Variants in CLSTN2 observed in about 807,000 individuals in gnomAD.
CLSTN2 encodes calsyntenin-2.
Under a neutral mutation model 101.2 loss-of-function variants are expected in CLSTN2, and 48 were observed. That is an observed-to-expected ratio of 0.47 (90% CI 0.38 to 0.60). CLSTN2 has a LOEUF of 0.60. Among genes scored for constraint, CLSTN2 ranks in the 20% least tolerant of loss-of-function variants. CLSTN2 has a pLI of 0.00. For synonymous variants in CLSTN2, 481 were observed against 463.6 expected (o/e 1.04, Z -0.48); for missense variants, 1,160 against 1,238.2 (o/e 0.94, Z 0.95).
rs1458615524 is a variant in CLSTN2, at chr3:140,404,606, C to G, written c.477C>G (p.Thr159=). The G allele has an allele frequency of 3.7e-6, 6 of 1,614,202 alleles. No individual in the cohort carries two copies. Among genetic ancestry groups the G allele is most frequent in the Non-Finnish European group, 4.2e-6 (5 of 1,180,024 alleles). The stretch of plus-strand genomic sequence containing the variant: ...AGGATGTCAACGAGTTTGCTCCCAC[C>G]TTCAAAGAGCCAGCCTACAAGGCTG... ...QVKDVNEFAP[T]FKEPAYKAVV... Residue 159 remains threonine (T), a synonymous_variant, in exon 4 of 17, where the codon ACC becomes ACG. Transcript: ENST00000458420.
At chr3:140,295,015 G>A (rs1347664966) in intron 2 of CLSTN2, among the ~76,000 whole-genome samples, 3 of 152,138 alleles carry the variant, frequency 2.0e-5, no homozygotes, top group Non-Finnish European at 4.4e-5. Flanking sequence ...GTCACATTGG[G>A]GGTTAAGGTT....
At chr3:140,000,244 C>A (rs1347256939) in intron 1 of CLSTN2, among the ~76,000 whole-genome samples, 1 of 152,148 alleles carries the variant, frequency 6.6e-6, no homozygotes, top group East Asian at 1.9e-4. Flanking sequence ...GCAGGTATTA[C>A]CCATTCCTGG....
intron 2 of CLSTN2, among the ~76,000 whole-genome samples, chr3:140,361,088 G>A (rs1050105819): frequency 6.6e-6 from 1 of 152,138 alleles, no homozygotes; most frequent in African/African-American, 2.4e-5. Flanking sequence ...TCATGAACAT[G>A]AATTCAAATT....
At chr3:140,170,140 C>T (rs1338644787) in intron 1 of CLSTN2, among the ~76,000 whole-genome samples, 1 of 152,058 alleles carries the variant, frequency 6.6e-6, no homozygotes, top group African/African-American at 2.4e-5. Context: ...ATGATTCAGC[C>T]ATTTGATGGA....
chr3:139,966,410 A>G (rs1340508184), intron 1 of CLSTN2, among the ~76,000 whole-genome samples: 1 of 152,084 alleles, frequency 6.6e-6, no homozygotes, highest in Non-Finnish European at 1.5e-5. Context: ...TACTTCCCCT[A>G]TTATGCCTTG....
At chr3:140,209,602 C>G (rs1391897873) in intron 2 of CLSTN2, among the ~76,000 whole-genome samples, 5 of 151,948 alleles carry the variant, frequency 3.3e-5, no homozygotes, top group Non-Finnish European at 1.5e-5. Context: ...TAGTCAGGAG[C>G]TTTTTAAGGC....
chr3:140,107,078 A>G (rs2009071636), intron 1 of CLSTN2, among the ~76,000 whole-genome samples: 1 of 152,212 alleles, frequency 6.6e-6, no homozygotes, highest in African/African-American at 2.4e-5. Context: ...CCTTTGGTGA[A>G]TGCTGGTACA....
At chr3:140,481,133 A>G in intron 8 of CLSTN2, among the ~76,000 whole-genome samples, 1 of 152,198 alleles carries the variant, frequency 6.6e-6, no homozygotes, top group Non-Finnish European at 1.5e-5. Context: ...ATAAGGTGTA[A>G]GGAAGGGATC....
At chr3:140,133,645 G>A (rs143540617) in intron 1 of CLSTN2, among the ~76,000 whole-genome samples, 1,616 of 152,264 alleles carry the variant, frequency 0.011, 12 homozygotes, top group Non-Finnish European at 0.016. Context: ...GGCTGCCCTC[G>A]TTGCCAGATT....
Position 140,501,058 on chromosome 3 carries a change from C to T in CLSTN2, c.1345-31266C>T, listed in dbSNP as rs574310146. On this transcript the variant is annotated intron_variant, in intron 8 of 16. Transcript: ENST00000458420. ...GAACCCCTGACACTGTTTAATGGAG[C>T]GAATCTTGCTGTTGAGAGAGCCAGC... Among the ~76,000 whole-genome samples the T allele has an allele frequency of 5.3e-5, 8 of 152,212 alleles. No individual in the cohort carries two copies. In the East Asian group the frequency reaches 1.4e-3, roughly 26 times the overall value.
At chr3:140,021,976 G>T (rs558326228) in intron 1 of CLSTN2, among the ~76,000 whole-genome samples, 1 of 152,332 alleles carries the variant, frequency 6.6e-6, no homozygotes, top group East Asian at 1.9e-4. Flanking sequence ...TGGGACCTGG[G>T]CACAGCTTTT....
intron 2 of CLSTN2, among the ~76,000 whole-genome samples, chr3:140,315,516 A>T (rs1384954930): frequency 6.6e-6 from 1 of 152,188 alleles, no homozygotes; most frequent in South Asian, 2.1e-4. Context: ...TTATTTGTTC[A>T]TTTGGATGCC....
intron 1 of CLSTN2, among the ~76,000 whole-genome samples, chr3:140,019,368 C>T (rs1347862299): frequency 6.6e-6 from 1 of 152,152 alleles, no homozygotes; most frequent in Non-Finnish European, 1.5e-5. Context: ...GACTGACCTC[C>T]CCTGGGTAAG....
At chr3:140,022,698 G>T (rs2007343938) in intron 1 of CLSTN2, among the ~76,000 whole-genome samples, 1 of 152,158 alleles carries the variant, frequency 6.6e-6, no homozygotes. Flanking sequence ...TGGAGGTGGG[G>T]GTGGTGGGCA....
intron 9 of CLSTN2, 51 bp downstream of exon 9, chr3:140,532,537 GAA>G (rs779740625): frequency 6.7e-7 from 1 of 1,495,898 alleles, no homozygotes; most frequent in South Asian, 1.4e-5. Flanking sequence ...ATAGTTCTTG[GAA>G]GATACTTGTA....
intron 2 of CLSTN2, among the ~76,000 whole-genome samples, chr3:140,373,421 A>G (rs1389563912): frequency 6.6e-6 from 1 of 152,218 alleles, no homozygotes; most frequent in Non-Finnish European, 1.5e-5. Flanking sequence ...TTTCAACTGG[A>G]AAATGATCAG....
chr3:140,067,466 A>C (rs1187624941), intron 1 of CLSTN2, among the ~76,000 whole-genome samples: 1 of 152,196 alleles, frequency 6.6e-6, no homozygotes, highest in African/African-American at 2.4e-5. Flanking sequence ...CATCATACCA[A>C]GAACCTACTT....
intron 8 of CLSTN2, among the ~76,000 whole-genome samples, chr3:140,477,834 A>AT (rs1448156171): frequency 6.6e-6 from 1 of 152,240 alleles, no homozygotes; most frequent in Non-Finnish European, 1.5e-5. Context: ...GCAATCCCCA[A>AT]TGGCACTGGC....
At chr3:140,401,675 A>G (rs190899026) in intron 2 of CLSTN2, among the ~76,000 whole-genome samples, 1 of 152,338 alleles carries the variant, frequency 6.6e-6, no homozygotes, top group African/African-American at 2.4e-5. Flanking sequence ...CCTTATAACC[A>G]TGGCAGTGGT....
Sources: gnomAD v4.1 joint callset for allele counts (sites outside exome capture counted in the v4.1 genomes callset) on GRCh38, gnomAD v4.1.1 for gene constraint, MANE v1.5 for transcripts, NCBI Gene and HGNC (gene_info 2026-07-23, HGNC 2026-07-21) for gene names.